Variants in KCTD16 observed in about 807,000 individuals in gnomAD.
The protein encoded by KCTD16 is BTB/POZ domain-containing protein KCTD16.
A neutral mutation model predicts 33.2 loss-of-function variants in KCTD16; 13 were observed. The ratio of observed to expected loss-of-function variants is 0.39; its 90% CI spans 0.25 to 0.62. The LOEUF (loss-of-function observed/expected upper bound fraction) is 0.62, where lower values mean the gene tolerates loss of function less well. Ranked by LOEUF, KCTD16 falls within the 20% of genes least tolerant of loss-of-function variation. The probability of loss-of-function intolerance (pLI) is 0.50; values close to 1 mark genes in which losing one functional copy is unlikely to be tolerated. For missense variants in KCTD16, 441 were observed against 525.1 expected, an observed-to-expected ratio of 0.84 and a Z score of 1.57; for synonymous variants, 197 against 195.3, an observed-to-expected ratio of 1.01 and a Z score of -0.07.
chr5:144,237,297 T>A (rs1400231946), intron 3 of KCTD16, among the ~76,000 whole-genome samples: 1 of 152,086 alleles, frequency 6.6e-6, no homozygotes. Flanking sequence ...ACTATTTAGA[T>A]CATGAGCCAT....
At chr5:144,251,539 C>A (rs1754701361) in intron 3 of KCTD16, among the ~76,000 whole-genome samples, 1 of 152,104 alleles carries the variant, frequency 6.6e-6, no homozygotes, top group Non-Finnish European at 1.5e-5. Flanking sequence ...CTTTTCAATG[C>A]TATTATATAA....
intron 3 of KCTD16, among the ~76,000 whole-genome samples, chr5:144,404,000 C>T (rs992842837): frequency 1.7e-4 from 26 of 152,128 alleles, no homozygotes; most frequent in African/African-American, 4.1e-4. Context: ...GCAGGCCGTG[C>T]GCATCCCCCC....
intron 3 of KCTD16, among the ~76,000 whole-genome samples, chr5:144,292,856 G>A (rs1303723941): frequency 6.6e-6 from 1 of 152,160 alleles, no homozygotes; most frequent in Non-Finnish European, 1.5e-5. Flanking sequence ...CACAGAGAGA[G>A]CGCTAGGATT....
intron 3 of KCTD16, among the ~76,000 whole-genome samples, chr5:144,416,101 C>A (rs940856926): frequency 6.6e-6 from 1 of 152,118 alleles, no homozygotes; most frequent in South Asian, 2.1e-4. Context: ...CACAATAACT[C>A]TACAAGGAAG....
chr5:144,436,897 G>A (rs1397433757), intron 3 of KCTD16, among the ~76,000 whole-genome samples: 1 of 151,970 alleles, frequency 6.6e-6, no homozygotes, highest in East Asian at 1.9e-4. Context: ...AAGCAAAAGT[G>A]TTTTACTTTT....
At chr5:144,463,151 T>C (rs781204761) in intron 3 of KCTD16, among the ~76,000 whole-genome samples, 4 of 152,188 alleles carry the variant, frequency 2.6e-5, no homozygotes, top group Non-Finnish European at 5.9e-5. Flanking sequence ...AGTGGTGTTT[T>C]CCTAAATATT....
At chr5:144,326,491 T>G (rs1166110985) in intron 3 of KCTD16, among the ~76,000 whole-genome samples, 1 of 152,184 alleles carries the variant, frequency 6.6e-6, no homozygotes, top group Non-Finnish European at 1.5e-5. Flanking sequence ...GAAACTCCAC[T>G]CAATCTGTGC....
At chr5:144,305,750 G>T (rs1310831439) in intron 3 of KCTD16, among the ~76,000 whole-genome samples, 1 of 152,176 alleles carries the variant, frequency 6.6e-6, no homozygotes, top group Non-Finnish European at 1.5e-5. Flanking sequence ...GGAGGCGCAG[G>T]TTGCAGTGAG....
At chr5:144,314,586 T>C (rs991611563) in intron 3 of KCTD16, among the ~76,000 whole-genome samples, 3 of 152,128 alleles carry the variant, frequency 2.0e-5, no homozygotes, top group African/African-American at 7.2e-5. Context: ...CTTTTCAGGA[T>C]TTTTTGGGGG....
intron 3 of KCTD16, among the ~76,000 whole-genome samples, chr5:144,441,983 T>C (rs2070853787): frequency 6.6e-6 from 1 of 152,098 alleles, no homozygotes; most frequent in Admixed American, 6.6e-5. Flanking sequence ...TTAAAAAAGT[T>C]TAATATTTTT....
At chr5:144,181,633 A>G (rs147228697) in intron 2 of KCTD16, among the ~76,000 whole-genome samples, 364 of 152,360 alleles carry the variant, frequency 2.4e-3, no homozygotes, top group African/African-American at 8.4e-3. Flanking sequence ...CCATTTGTGC[A>G]ACATGGATGA....
At chr5:144,317,845 G>A (rs1329991756) in intron 3 of KCTD16, among the ~76,000 whole-genome samples, 1 of 152,184 alleles carries the variant, frequency 6.6e-6, no homozygotes. Flanking sequence ...ACCTGGATTT[G>A]CAATTACGTT....
In KCTD16 at chr5:144,349,967, C is replaced by G. The variant is rs142155974; in HGVS notation, c.833-123693C>G. ...AGGCAGCTTTATCCTCTTGATGAGA[C>G]TCAACACACTCCAAACAGGCAGCAG... On this transcript the variant is annotated intron_variant, in intron 3 of 3. Transcript: ENST00000512467. Among the ~76,000 whole-genome samples the G allele has an allele frequency of 3.1e-3, 472 of 152,294 alleles. 1 individual carries two copies. Among genetic ancestry groups the G allele is most frequent in the Non-Finnish European group, 4.6e-3 (315 of 68,036 alleles).
At chr5:144,271,972 C>T (rs527662639) in intron 3 of KCTD16, among the ~76,000 whole-genome samples, 1 of 151,974 alleles carries the variant, frequency 6.6e-6, no homozygotes, top group East Asian at 1.9e-4. Flanking sequence ...AGTGAAAGAA[C>T]TGTATAATGA....
rs187194765 is a variant in KCTD16 at position 144,470,545 on chromosome 5, G to A, written c.833-3115G>A. Among the ~76,000 whole-genome samples, 5 of 152,186 alleles carry A rather than the reference G, an allele frequency of 3.3e-5. No homozygotes were observed. The East Asian group carries it at 9.7e-4, about 29-fold the overall frequency. On this transcript the variant is annotated intron_variant, in intron 3 of 3. Transcript: ENST00000512467. ...GGTTTAATATAATACATAGACTTCAGAAGCCATCTCATAAATTATCTTGCC... is the reference window on the plus strand; with the variant it reads ...GGTTTAATATAATACATAGACTTCAAAAGCCATCTCATAAATTATCTTGCC...
intron 3 of KCTD16, among the ~76,000 whole-genome samples, chr5:144,354,778 A>G (rs1751535189): frequency 1.3e-5 from 2 of 152,212 alleles, no homozygotes; most frequent in Admixed American, 1.3e-4. Context: ...ACTAGAAAGC[A>G]AAGTCAGTTG....
At chr5:144,305,115 G>C (rs1561560872) in intron 3 of KCTD16, among the ~76,000 whole-genome samples, 1 of 149,640 alleles carries the variant, frequency 6.7e-6, no homozygotes, top group Non-Finnish European at 1.5e-5. Flanking sequence ...GAGCAAGAGA[G>C]AAAACTGATT....
chr5:144,467,639 G>A lies in KCTD16; in HGVS notation c.833-6021G>A, dbSNP rs567054218. On this transcript the variant is annotated intron_variant, in intron 3 of 3. Coordinates refer to ENST00000512467, the MANE Select transcript of KCTD16 (RefSeq NM_020768.4). ...AAAGATGCGTGGCTGGCAAAGGGAA[G>A]ATCACACACAAAACATTGAGGTATA... Among the ~76,000 whole-genome samples the A allele has an allele frequency of 1.5e-4, 23 of 152,302 alleles. No individual in the cohort carries two copies. In the South Asian group the frequency reaches 4.8e-3, roughly 32 times the overall value.
intron 3 of KCTD16, among the ~76,000 whole-genome samples, chr5:144,223,804 A>G (rs1753839337): frequency 6.6e-6 from 1 of 152,146 alleles, no homozygotes; most frequent in South Asian, 2.1e-4. Flanking sequence ...TAGGTAGAAG[A>G]CAACATATAG....
Sources: gnomAD v4.1 joint callset for allele counts (sites outside exome capture counted in the v4.1 genomes callset) on GRCh38, gnomAD v4.1.1 for gene constraint, MANE v1.5 for transcripts, NCBI Gene and HGNC (gene_info 2026-07-23, HGNC 2026-07-21) for gene names.